Variants in PRELP observed in about 807,000 individuals in gnomAD.
PRELP encodes the protein proline and arginine rich end leucine rich repeat protein.
PRELP carries 16 observed loss-of-function variants against 22.8 expected under a neutral mutation model. That is an observed-to-expected ratio of 0.70 (90% confidence interval 0.47 to 1.06). The LOEUF is 1.06. PRELP is among the 50% of genes least tolerant of loss of function. The probability of loss-of-function intolerance (pLI) is 0.00; values close to 1 mark genes in which losing one functional copy is unlikely to be tolerated. For synonymous variants in PRELP, 233 were observed against 211.4 expected (o/e 1.10, Z -0.89); for missense variants, 434 against 485.2 (o/e 0.89, Z 0.99).
intron 2 of PRELP, 89 bp downstream of exon 2, chr1:203,484,246 T>C: frequency 6.6e-7 from 1 of 1,512,624 alleles, no homozygotes. Context: ...CAGGGTGGGG[T>C]GGTATAAAAA....
rs942142713 is a variant in PRELP, at chr1:203,483,322, T to G, written c.138T>G (p.Phe46Leu). 2.5e-5 allele frequency: 41 copies of G among 1,613,826 alleles called. No homozygotes were observed. Among genetic ancestry groups the G allele is most frequent in the Non-Finnish European group, 3.5e-5 (41 of 1,179,970 alleles). ...CCAGGCCCAGGCCCACACCCAGCTTTCCTCAGCCTGATGAACCAGCAGAGC... is the reference window on the plus strand; with the variant it reads ...CCAGGCCCAGGCCCACACCCAGCTTGCCTCAGCCTGATGAACCAGCAGAGC... ...PRPRPRPTPS[F>L]PQPDEPAEPT... The change falls in exon 2 of 3, where the codon TTT (phenylalanine) becomes TTG (leucine). Residue 46 changes from phenylalanine to leucine, a missense_variant. Transcript: ENST00000343110. The surrounding 1 kb of genome is among the most constrained non-coding windows in gnomAD (Gnocchi z 4.4).
rs1288088237 is a variant in PRELP, at chr1:203,487,647, G to T, written c.*766G>T. 1 of 152,634 alleles carries T rather than the reference G, an allele frequency of 6.6e-6. No homozygotes were observed. Among genetic ancestry groups the T allele is most frequent in the East Asian group, 1.9e-4 (1 of 5,208 alleles). The allele number at this position is 152,634 out of a possible 1,614,324, so 9.5% of individuals were successfully genotyped here. A position where few individuals can be genotyped will look rare whatever the true frequency, so the allele number is the denominator to read the frequency against. The stretch of plus-strand genomic sequence containing the variant: ...GGAAGCAGCCATGGGAGAGGGGAAG[G>T]GTTCAAGCCCGGGATGGGCCCGCGT... On this transcript the variant is annotated 3_prime_UTR_variant, in exon 3 of 3. Coordinates refer to ENST00000343110, the MANE Select transcript of PRELP (RefSeq NM_002725.4).
intron 2 of PRELP, among the ~76,000 whole-genome samples, 189 bp from the exon 3 acceptor site, chr1:203,486,517 T>A (rs1308229572): frequency 2.0e-5 from 3 of 152,244 alleles, no homozygotes; most frequent in Non-Finnish European, 4.4e-5. Context: ...TCCAACTTAA[T>A]TCATTTTACA....
At chr1:203,485,654 C>T (rs574627888) in intron 2 of PRELP, among the ~76,000 whole-genome samples, 1 of 152,254 alleles carries the variant, frequency 6.6e-6, no homozygotes, top group East Asian at 1.9e-4. Flanking sequence ...AAGAGAAAAC[C>T]CCCGTGTCAG....
chr1:203,486,214 G>T (rs953380731), intron 2 of PRELP, among the ~76,000 whole-genome samples: 7 of 152,284 alleles, frequency 4.6e-5, no homozygotes, highest in Middle Eastern at 3.4e-3. Flanking sequence ...CTCTCACAAA[G>T]ACAGTCCTGT....
Position 203,476,185 on chromosome 1 carries a change from G to C in PRELP, c.-17+247G>C, listed in dbSNP as rs114959715. Among the ~76,000 whole-genome samples, 942 of 152,268 alleles carry C rather than the reference G, an allele frequency of 6.2e-3. 9 individuals are homozygous for C. The highest frequency in any genetic ancestry group is 0.022 in the African/African-American group (915 of 41,550). ...GCAAAAGTTAAGCTTTCCTGCTGCA[G>C]ATGTTTGTTGTAGCACAGAGAGCCA... On this transcript the variant is annotated intron_variant, in intron 1 of 2. Transcript: ENST00000343110.
rs148173439 is a variant in PRELP, at chr1:203,488,135, C to T, written c.*1254C>T. The T allele has an allele frequency of 6.6e-6, 1 of 152,370 alleles. No individual in the cohort carries two copies. The highest frequency in any genetic ancestry group is 1.5e-5 in the Non-Finnish European group (1 of 68,064). The allele number at this position is 152,370 out of a possible 1,614,324, so 9.4% of individuals were successfully genotyped here. ...GGCTCATTCCCATCGTGAGTGAGCC[C>T]AGGTGAGGACATAGTCGGCTCCCGT... On this transcript the variant is annotated 3_prime_UTR_variant, in exon 3 of 3. Coordinates refer to ENST00000343110, the MANE Select transcript of PRELP (RefSeq NM_002725.4).
At chr1:203,480,223 G>A (rs1253328118) in intron 1 of PRELP, among the ~76,000 whole-genome samples, 1 of 152,246 alleles carries the variant, frequency 6.6e-6, no homozygotes, top group African/African-American at 2.4e-5. Context: ...GTGGAGAGCA[G>A]AACTGCATGC....
At chr1:203,484,683 G>T (rs1661064428) in intron 2 of PRELP, among the ~76,000 whole-genome samples, 1 of 152,196 alleles carries the variant, frequency 6.6e-6, no homozygotes, top group Admixed American at 6.5e-5. Context: ...GTATGCAACT[G>T]GTAAAAATGT....
chr1:203,480,444 C>A (rs1660980561), intron 1 of PRELP, among the ~76,000 whole-genome samples: 1 of 152,192 alleles, frequency 6.6e-6, no homozygotes, highest in Non-Finnish European at 1.5e-5. Flanking sequence ...GTAGGAGGGA[C>A]TATGACTACC....
intron 1 of PRELP, among the ~76,000 whole-genome samples, chr1:203,480,589 C>T (rs1306337650): frequency 1.3e-5 from 2 of 152,204 alleles, no homozygotes; most frequent in African/African-American, 4.8e-5. Flanking sequence ...GGCAAAGCTC[C>T]GGCAGGAAGG....
Position 203,483,487 on chromosome 1 carries a change from G to A in PRELP, c.303G>A (p.Pro101=), listed in dbSNP as rs773357006. The stretch of plus-strand genomic sequence containing the variant: ...ACCTGCGAAAGGTCCCTGTCATCCC[G>A]CCCCGCATCCATTACCTCTATCTCC... ...SRNLRKVPVI[P]PRIHYLYLQN... is the part of the protein sequence containing the mutation. Residue 101 remains proline, a synonymous_variant, in exon 2 of 3, where the codon CCG becomes CCA. Coordinates refer to ENST00000343110, the MANE Select transcript of PRELP (RefSeq NM_002725.4). The surrounding 1 kb of genome is among the most constrained non-coding windows in gnomAD (Gnocchi z 4.4). The A allele has an allele frequency of 4.3e-6, 7 of 1,613,998 alleles. No individual in the cohort carries two copies. The highest frequency in any genetic ancestry group is 4.0e-5 in the African/African-American group (3 of 74,960).
At chr1:203,486,464 C>T (rs1283930925) in intron 2 of PRELP, among the ~76,000 whole-genome samples, 1 of 152,188 alleles carries the variant, frequency 6.6e-6, no homozygotes, top group Non-Finnish European at 1.5e-5. Flanking sequence ...AAATTTACTT[C>T]CAATTCTCTA....
intron 1 of PRELP, among the ~76,000 whole-genome samples, chr1:203,477,943 G>T (rs1660940242): frequency 6.6e-6 from 1 of 152,134 alleles, no homozygotes; most frequent in South Asian, 2.1e-4. Flanking sequence ...GATCTCACAA[G>T]CCACAAAGGG....
At chr1:203,482,282 CTTTT>C (rs60629021) in intron 1 of PRELP, among the ~76,000 whole-genome samples, 1 of 145,638 alleles carries the variant, frequency 6.9e-6, no homozygotes, top group Non-Finnish European at 1.5e-5. Context: ...TTCTTTCTTT[CTTTT>C]TTTTTTTTTG....
chr1:203,480,694 G>C (rs1165178255), intron 1 of PRELP, among the ~76,000 whole-genome samples: 1 of 152,236 alleles, frequency 6.6e-6, no homozygotes, highest in African/African-American at 2.4e-5. Context: ...CAGCCCTGGG[G>C]CTGAGGGAAG....
intron 1 of PRELP, among the ~76,000 whole-genome samples, chr1:203,478,896 A>G (rs762039968): frequency 3.3e-5 from 5 of 152,170 alleles, no homozygotes; most frequent in Non-Finnish European, 7.4e-5. Flanking sequence ...AACTCTGCTC[A>G]TAAATTGGCA....
intron 1 of PRELP, among the ~76,000 whole-genome samples, chr1:203,479,895 C>T (rs1427655007): frequency 2.6e-5 from 4 of 151,810 alleles, no homozygotes; most frequent in Non-Finnish European, 4.4e-5. Context: ...AGAGTCAGAG[C>T]CAGGAGTCAA....
intron 1 of PRELP, among the ~76,000 whole-genome samples, chr1:203,476,733 G>A (rs909036650): frequency 3.3e-5 from 5 of 152,082 alleles, no homozygotes; most frequent in South Asian, 2.1e-4. Context: ...TTCAATTTCT[G>A]TCTCACTGGT....
Sources: gnomAD v4.1 joint callset for allele counts (sites outside exome capture counted in the v4.1 genomes callset) on GRCh38, gnomAD v4.1.1 for gene constraint, Gnocchi (gnomAD v3.1) non-coding constraint, MANE v1.5 for transcripts, NCBI Gene and HGNC (gene_info 2026-07-23, HGNC 2026-07-21) for gene names.